Variants in BAZ2B observed in about 807,000 individuals in gnomAD.
BAZ2B encodes bromodomain adjacent to zinc finger domain 2B.
In BAZ2B, 91 loss-of-function variants were observed where a neutral mutation model predicts 246.0. The observed-to-expected ratio is 0.37, with a 90% confidence interval of 0.31 to 0.44. The LOEUF is 0.44. Ranked by LOEUF, BAZ2B falls within the 20% of genes least tolerant of loss-of-function variation. The probability of loss-of-function intolerance (pLI) is 1.00; values close to 1 mark genes in which losing one functional copy is unlikely to be tolerated. For missense variants in BAZ2B, 2,332 were observed against 2,533.7 expected (o/e 0.92, Z 1.71); for synonymous variants, 855 against 860.0 (o/e 0.99, Z 0.10).
At chr2:159,602,119 C>T (rs1056476456) in intron 1 of BAZ2B, among the ~76,000 whole-genome samples, 2 of 152,074 alleles carry the variant, frequency 1.3e-5, no homozygotes. Context: ...ACTTAGACTC[C>T]ACCATGCATA....
In BAZ2B at chr2:159,337,021, G is replaced by A. The variant is rs772383601; in HGVS notation, c.5717C>T (p.Ala1906Val). ...CAGAGCTACCTGTGCAGCACTGCGA[G>A]CTTCTGATAATGCCCTTCTCCATAC... ...LRVWRRALSE[A>V]RSAAQVALCI... The change falls in exon 33 of 37, where the codon GCT becomes GTT. Residue 1906 changes from alanine (A) to valine (V), a missense_variant. By Grantham distance (64) the Ala-to-Val change is moderately conservative. Coordinates refer to ENST00000392783, the MANE Select transcript of BAZ2B (RefSeq NM_013450.4). 2.6e-5 allele frequency: 42 copies of A among 1,611,850 alleles called. No individual in the cohort carries two copies. Among genetic ancestry groups the A allele is most frequent in the African/African-American group, 4.0e-5 (3 of 74,852 alleles).
At chr2:159,692,219 A>G in the BAZ2B span, among the ~76,000 whole-genome samples, 9 of 152,018 alleles carry the variant, frequency 5.9e-5, no homozygotes, top group Non-Finnish European at 1.0e-4. Context: ...CAGTGGCACA[A>G]TCTCAGCTCA....
intron 36 of BAZ2B, 133 bp downstream of exon 36, chr2:159,324,677 CA>C (rs1558938163): frequency 4.8e-4 from 113 of 236,358 alleles, no homozygotes; most frequent in Non-Finnish European, 5.7e-4. Context: ...CACACACACA[CA>C]CACACACACA....
intron 2 of BAZ2B, among the ~76,000 whole-genome samples, chr2:159,543,685 G>A (rs532302726): frequency 2.0e-5 from 3 of 152,060 alleles, no homozygotes; most frequent in South Asian, 4.1e-4. Flanking sequence ...ACAGGCACAC[G>A]CCACCACACC....
the BAZ2B span, among the ~76,000 whole-genome samples, chr2:159,696,435 C>T: frequency 6.6e-6 from 1 of 152,150 alleles, no homozygotes; most frequent in Non-Finnish European, 1.5e-5. Flanking sequence ...TTTATCCCTT[C>T]CTTTTTTACC....
chr2:159,489,523 T>A (rs1212373893), intron 2 of BAZ2B, among the ~76,000 whole-genome samples: 1 of 152,134 alleles, frequency 6.6e-6, no homozygotes, highest in Non-Finnish European at 1.5e-5. Flanking sequence ...GCTAAAAACT[T>A]TTCATTTTTG....
intron 33 of BAZ2B, 83 bp from the exon 34 acceptor site, chr2:159,332,769 A>G (rs1204188832): frequency 6.9e-7 from 1 of 1,442,802 alleles, no homozygotes; most frequent in East Asian, 2.4e-5. Flanking sequence ...CATAATTCCT[A>G]ATTTATATTA....
At chr2:159,583,661 A>T (rs888503746) in intron 1 of BAZ2B, among the ~76,000 whole-genome samples, 4 of 152,212 alleles carry the variant, frequency 2.6e-5, no homozygotes, top group Non-Finnish European at 5.9e-5. Flanking sequence ...AAGAAAAAAA[A>T]ATTCTTGCCT....
rs777324038 is a variant in BAZ2B at position 159,386,588 on chromosome 2, C to T, written c.3236G>A (p.Arg1079His). 7 of 1,603,292 alleles carry T rather than the reference C, an allele frequency of 4.4e-6. No homozygotes were observed. Among genetic ancestry groups the T allele is most frequent in the Middle Eastern group, 1.7e-4 (1 of 6,012 alleles). ...ADQKPLPELP[R>H]IPGLVLSGST... ...TCCAGAGAGAACAAGTCCTGGAATA[C>T]GAGGCAACTCTGGCAAAGGCTGAAA... The change falls in exon 22 of 37, where the codon CGT (arginine) becomes CAT (histidine). Residue 1079 changes from arginine (R) to histidine (H), a missense_variant. Around this residue, in one of 9 missense-constraint regions of BAZ2B, gnomAD observed 328 missense variants for 410.4 expected, o/e 0.80. Transcript: ENST00000392783.
At position 159,616,336 on chromosome 2, in the gene BAZ2B, T is replaced by C. The variant is rs1434252940; in HGVS notation, c.-140A>G. 6.6e-6 allele frequency: 1 copy of C among 152,222 alleles called. No individual in the cohort carries two copies. The highest frequency in any genetic ancestry group is 1.5e-5 in the Non-Finnish European group (1 of 68,036). The allele number at this position is 152,222 out of a possible 1,614,324, so 9.4% of individuals were successfully genotyped here. On this transcript the variant is annotated 5_prime_UTR_variant, in exon 1 of 37. It adds an upstream start codon to the 5' untranslated region. Coordinates refer to ENST00000392783, the MANE Select transcript of BAZ2B (RefSeq NM_013450.4). ...ATTTTTGGAAACCCCACCACCTCCT[T>C]ATTTCTATTATTATTTCTGCAAGAA...
At chr2:159,400,907 G>A (rs1370573512) in intron 16 of BAZ2B, among the ~76,000 whole-genome samples, 1 of 152,128 alleles carries the variant, frequency 6.6e-6, no homozygotes, top group East Asian at 1.9e-4. Flanking sequence ...AGCAGGGCTT[G>A]GTGGCGGGCA....
chr2:159,669,364 C>G, the BAZ2B span, among the ~76,000 whole-genome samples: 3 of 152,096 alleles, frequency 2.0e-5, no homozygotes, highest in African/African-American at 7.2e-5. Context: ...ATCACATGGT[C>G]TCTCTTTGAG....
the BAZ2B span, among the ~76,000 whole-genome samples, chr2:159,683,474 A>C: frequency 6.6e-6 from 1 of 152,178 alleles, no homozygotes; most frequent in East Asian, 1.9e-4. Context: ...ACCACAACCA[A>C]AATATAGAAC....
chr2:159,438,446 C>T lies in BAZ2B; in HGVS notation c.1150G>A (p.Val384Met), dbSNP rs2072809816. ...VIQSTGLVSN[V>M]KPLSLVNQAK... ...TGATTTACCAAAGATAAAGGTTTCA[C>T]ATTGGACACCAATCCCGTAGACTGT... Residue 384 changes from valine (V) to methionine (M), a missense_variant, in exon 8 of 37, where the codon GTG becomes ATG. This residue lies in a region of BAZ2B where 161 missense variants were observed against 225.8 expected (regional missense o/e 0.71). Coordinates refer to ENST00000392783, the MANE Select transcript of BAZ2B (RefSeq NM_013450.4). 5 of 1,614,046 alleles carry T rather than the reference C, an allele frequency of 3.1e-6. No individual in the cohort carries two copies. In the African/African-American group the frequency reaches 4.0e-5, roughly 13 times the overall value.
At position 159,404,880 on chromosome 2, in the gene BAZ2B, T is replaced by C. The variant is rs200954317; in HGVS notation, c.2801A>G (p.Gln934Arg). The change falls in exon 16 of 37, where the codon CAA (glutamine) becomes CGA (arginine). Residue 934 changes from glutamine to arginine, a missense_variant. By Grantham distance (43) the Gln-to-Arg change is conservative (BLOSUM62 1). Around this residue, in one of 9 missense-constraint regions of BAZ2B, gnomAD observed 651 missense variants for 650.9 expected, o/e 1.00. Transcript: ENST00000392783. Reference protein sequence around the residue: ...AIMAAEEKRKQKEQIKIMKQQ... With the variant: ...AIMAAEEKRKRKEQIKIMKQQ... ...TTTCATAATCTTTATCTGTTCTTTT[T>C]GCTTCCGCTTCTCCTCAGCAGCCAT... The C allele has an allele frequency of 4.3e-6, 7 of 1,613,486 alleles. No homozygotes were observed. The highest frequency in any genetic ancestry group is 5.9e-6 in the Non-Finnish European group (7 of 1,179,948).
rs540410978 is a variant in BAZ2B at position 159,405,006 on chromosome 2, C to T, written c.2770+16G>A. Reference sequence around the variant, plus strand: ...GTACTGACTCTTCGAGTTTATGTTACATTTAAATCACTCACCTTGTTGTTT... The same window carrying T: ...GTACTGACTCTTCGAGTTTATGTTATATTTAAATCACTCACCTTGTTGTTT... On this transcript the variant is annotated intron_variant, in intron 15 of 36. Transcript: ENST00000392783. 2.2e-5 allele frequency: 35 copies of T among 1,613,566 alleles called. 1 individual carries two copies. The South Asian group carries it at 3.7e-4, about 17-fold the overall frequency.
At chr2:159,567,108 T>C (rs911047119) in intron 1 of BAZ2B, among the ~76,000 whole-genome samples, 2 of 152,076 alleles carry the variant, frequency 1.3e-5, no homozygotes, top group East Asian at 1.9e-4. Flanking sequence ...CCAGGCATGG[T>C]GGTGTGCACC....
chr2:159,566,022 T>C (rs1682480765), intron 1 of BAZ2B, among the ~76,000 whole-genome samples: 1 of 152,138 alleles, frequency 6.6e-6, no homozygotes, highest in African/African-American at 2.4e-5. Context: ...TTGACTTTTT[T>C]GTTTTTCAGA....
intron 6 of BAZ2B, among the ~76,000 whole-genome samples, chr2:159,441,161 T>A (rs149089217): frequency 4.9e-4 from 74 of 152,326 alleles, no homozygotes; most frequent in African/African-American, 1.7e-3. Context: ...AACATTTTTG[T>A]TTTAGTAAGG....
Sources: allele counts gnomAD v4.1 joint callset (sites outside exome capture counted in the v4.1 genomes callset), GRCh38; gene constraint gnomAD v4.1.1; regional missense constraint gnomAD v4.1.1; transcripts MANE v1.5; gene names NCBI Gene and HGNC (gene_info 2026-07-23, HGNC 2026-07-21).